ANO4: variants seen among roughly 807,000 people sequenced by gnomAD.
The protein encoded by ANO4 is anoctamin-4.
In ANO4, 69 loss-of-function variants were observed where a neutral mutation model predicts 141.9. That is an observed-to-expected ratio of 0.49 (90% CI 0.40 to 0.59). ANO4 has a LOEUF of 0.59. Ranked by LOEUF, ANO4 falls within the 20% of genes least tolerant of loss-of-function variation. The pLI, the probability that ANO4 is intolerant of heterozygous loss-of-function variation, is 0.00. For missense variants in ANO4, 894 were observed against 1,162.2 expected, an observed-to-expected ratio of 0.77 and a Z score of 3.36; for synonymous variants, 350 against 394.3, an observed-to-expected ratio of 0.89 and a Z score of 1.33.
intron 24 of ANO4, among the ~76,000 whole-genome samples, chr12:101,113,728 C>G (rs1009187827): frequency 2.6e-5 from 4 of 152,094 alleles, no homozygotes; most frequent in African/African-American, 9.7e-5. Flanking sequence ...AAGTCATAAG[C>G]CTTTAGGGTA....
Position 100,918,861 on chromosome 12 carries a change from C to A in ANO4, c.56-3365C>A, listed in dbSNP as rs992295039. On this transcript the variant is annotated intron_variant, in intron 2 of 27. Transcript: ENST00000392977. ...TCAGGCAGGTCTTTTAGGAGGTATTCCAGAAGAGAGCATTTATATCATGGG... is the reference window on the plus strand; with the variant it reads ...TCAGGCAGGTCTTTTAGGAGGTATTACAGAAGAGAGCATTTATATCATGGG... 5.5e-4 allele frequency among the ~76,000 whole-genome samples: 83 copies of A among 151,898 alleles called. 1 individual carries two copies. Among genetic ancestry groups the A allele is most frequent in the Non-Finnish European group, 2.2e-4 (15 of 68,014 alleles).
intron 5 of ANO4, among the ~76,000 whole-genome samples, chr12:100,970,445 C>T (rs968113055): frequency 6.6e-5 from 10 of 152,128 alleles, no homozygotes; most frequent in Non-Finnish European, 8.8e-5. Flanking sequence ...AGGGCCTTTG[C>T]ACCCAGAGCG....
intron 1 of ANO4, among the ~76,000 whole-genome samples, chr12:100,833,413 A>G (rs751616343): frequency 7.2e-5 from 11 of 152,140 alleles, no homozygotes; most frequent in Non-Finnish European, 1.5e-5. Flanking sequence ...TTATATTCAA[A>G]TTTGTGTTTC....
At chr12:101,104,651 ATATATATATATATATATATAAAT>A (rs2050360779) in intron 22 of ANO4, among the ~76,000 whole-genome samples, 3 of 82,740 alleles carry the variant, frequency 3.6e-5, no homozygotes, top group African/African-American at 1.4e-4. Flanking sequence ...ATATATATAT[ATATATATATATATATATATAAAT>A]AAAAAGATTT....
chr12:100,803,156 A>G (rs771534845), intron 1 of ANO4, among the ~76,000 whole-genome samples: 1 of 152,102 alleles, frequency 6.6e-6, no homozygotes, highest in African/African-American at 2.4e-5. Context: ...CCCTCACTTA[A>G]CTCTGAGAGG....
At chr12:100,912,417 G>GAA (rs10641222) in intron 2 of ANO4, among the ~76,000 whole-genome samples, 26,774 of 120,918 alleles carry the variant, frequency 0.22, 3,456 homozygotes, top group South Asian at 0.39. Flanking sequence ...AAAGAAAAAA[G>GAA]AAAAAAAAAA....
intron 1 of ANO4, among the ~76,000 whole-genome samples, chr12:100,812,650 T>G (rs2035514751): frequency 6.6e-6 from 1 of 152,162 alleles, no homozygotes; most frequent in Admixed American, 6.6e-5. Flanking sequence ...GCTTTAAGCT[T>G]TCAATCAGCC....
intron 1 of ANO4, among the ~76,000 whole-genome samples, chr12:100,853,899 A>G (rs1186055096): frequency 6.6e-6 from 1 of 152,096 alleles, no homozygotes; most frequent in African/African-American, 2.4e-5. Context: ...ATACTCCCCA[A>G]ATAAACCATT....
intron 26 of ANO4, among the ~76,000 whole-genome samples, chr12:101,124,580 T>G (rs544587743): frequency 3.9e-5 from 6 of 152,370 alleles, no homozygotes; most frequent in African/African-American, 1.4e-4. Flanking sequence ...CTAGATTTTC[T>G]TCTAGGATTT....
chr12:100,942,849 G>T (rs1330402584), intron 5 of ANO4, among the ~76,000 whole-genome samples: 1 of 152,150 alleles, frequency 6.6e-6, no homozygotes, highest in East Asian at 1.9e-4. Flanking sequence ...GGAGGGTTCT[G>T]TTCGCGTGGA....
chr12:100,937,798 C>T (rs1346884378), intron 3 of ANO4, among the ~76,000 whole-genome samples: 8 of 152,152 alleles, frequency 5.3e-5, no homozygotes, highest in South Asian at 2.1e-4. Flanking sequence ...AAGCCACCCG[C>T]GTTTCTTGGC....
At chr12:100,790,614 A>C (rs575945344), upstream of ANO4, among the ~76,000 whole-genome samples, 1 of 152,160 alleles carries the variant, frequency 6.6e-6, no homozygotes, top group East Asian at 1.9e-4. Context: ...TGACTATTTA[A>C]GTCAGCCACT....
intron 2 of ANO4, among the ~76,000 whole-genome samples, chr12:100,919,236 TG>T (rs1362659721): frequency 6.6e-6 from 1 of 152,138 alleles, no homozygotes; most frequent in Non-Finnish European, 1.5e-5. Flanking sequence ...ATAAATTTAA[TG>T]TGGCGTAAGT....
chr12:101,092,739 A>G (rs186159398), intron 17 of ANO4, among the ~76,000 whole-genome samples: 29 of 152,242 alleles, frequency 1.9e-4, no homozygotes, highest in South Asian at 1.0e-3. Context: ...TAAAATTACA[A>G]TGTTTTCAGT....
chr12:100,828,746 A>G (rs2036490627), intron 1 of ANO4, among the ~76,000 whole-genome samples: 1 of 152,026 alleles, frequency 6.6e-6, no homozygotes, highest in African/African-American at 2.4e-5. Context: ...CTTCTCTCCA[A>G]CTTCATATAG....
At chr12:101,040,184 T>C in intron 11 of ANO4, 108 bp downstream of exon 11, 13 of 1,363,010 alleles carry the variant, frequency 9.5e-6, no homozygotes, top group Non-Finnish European at 1.3e-5. Flanking sequence ...AGTGTACAGC[T>C]CTCACTCATA....
chr12:100,948,265 G>T (rs985028958), intron 5 of ANO4, among the ~76,000 whole-genome samples: 13 of 151,912 alleles, frequency 8.6e-5, no homozygotes, highest in African/African-American at 2.4e-4. Flanking sequence ...AATGAAGTTG[G>T]GTGCTGCCCA....
chr12:101,115,088 A>T (rs545427291), intron 24 of ANO4, among the ~76,000 whole-genome samples: 29 of 152,304 alleles, frequency 1.9e-4, no homozygotes, highest in African/African-American at 6.5e-4. Context: ...CAGACTTGTT[A>T]ATGAAGAGAA....
At chr12:100,889,603 G>C (rs1332720499) in intron 1 of ANO4, among the ~76,000 whole-genome samples, 1 of 152,180 alleles carries the variant, frequency 6.6e-6, no homozygotes, top group Non-Finnish European at 1.5e-5. Context: ...CTTCTCAAAA[G>C]AAGACATTTA....
Sources: gnomAD v4.1 joint callset for allele counts (sites outside exome capture counted in the v4.1 genomes callset) on GRCh38, gnomAD v4.1.1 for gene constraint, MANE v1.5 for transcripts, NCBI Gene and HGNC (gene_info 2026-07-23, HGNC 2026-07-21) for gene names.